SYT6: variants seen among roughly 807,000 people sequenced by gnomAD.
SYT6 encodes synaptotagmin-6.
SYT6 carries 24 observed loss-of-function variants against 38.4 expected under a neutral mutation model. The ratio of observed to expected loss-of-function variants is 0.62; its 90% CI spans 0.45 to 0.88. SYT6 has a LOEUF of 0.88. Among genes scored for constraint, SYT6 ranks in the 40% least tolerant of loss-of-function variants. The pLI is 0.00. For missense variants in SYT6, 611 were observed against 621.0 expected, an observed-to-expected ratio of 0.98 and a Z score of 0.17; for synonymous variants, 265 against 241.9, an observed-to-expected ratio of 1.10 and a Z score of -0.89.
At chr1:114,138,972 A>G (rs111345200) in intron 2 of SYT6, among the ~76,000 whole-genome samples, 1 of 152,204 alleles carries the variant, frequency 6.6e-6, no homozygotes, top group African/African-American at 2.4e-5. Flanking sequence ...GGGACCTAGG[A>G]GTCCATCAGA....
In SYT6 at chr1:114,089,986, G is replaced by A. The variant is rs917034803; in HGVS notation, c.*2148C>T. On this transcript the variant is annotated 3_prime_UTR_variant, in exon 8 of 8. Coordinates refer to ENST00000610222, the MANE Select transcript of SYT6 (RefSeq NM_001253772.2). ...TCCCTTCTCCAAGAGGTTAGAATGG[G>A]TTATACTCACCTGCCTAAGGGTTTA... 2 of 152,342 alleles carry A rather than the reference G, an allele frequency of 1.3e-5. No individual in the cohort carries two copies. The highest frequency in any genetic ancestry group is 2.9e-5 in the Non-Finnish European group (2 of 68,046). The allele number at this position is 152,342 out of a possible 1,614,324, so 9.4% of individuals were successfully genotyped here. A position where few individuals can be genotyped will look rare whatever the true frequency, so the allele number is the denominator to read the frequency against.
At chr1:114,102,877 A>G (rs1676050730) in intron 4 of SYT6, among the ~76,000 whole-genome samples, 1 of 152,220 alleles carries the variant, frequency 6.6e-6, no homozygotes, top group Non-Finnish European at 1.5e-5. Flanking sequence ...TGTTATTTCC[A>G]AACTCAAATA....
intron 3 of SYT6, among the ~76,000 whole-genome samples, chr1:114,118,521 A>T (rs1677143021): frequency 6.6e-6 from 1 of 152,120 alleles, no homozygotes. Flanking sequence ...CACTGTATGA[A>T]CCTGGAGACC....
At chr1:114,138,759 G>A (rs1440269212) in intron 2 of SYT6, among the ~76,000 whole-genome samples, 2 of 152,138 alleles carry the variant, frequency 1.3e-5, no homozygotes, top group African/African-American at 4.8e-5. Context: ...TCTTCCATTG[G>A]CTCCTCACAA....
In SYT6 at chr1:114,142,130, T is replaced by C. The variant is rs537856474; in HGVS notation, c.164-2167A>G. On this transcript the variant is annotated intron_variant, in intron 1 of 7. Coordinates refer to ENST00000610222, the MANE Select transcript of SYT6 (RefSeq NM_001253772.2). ...ATTTCAACTTTCAAATCTTAGGCTT[T>C]AGCTGTCATAGACAGTGATTCCTCT... Among the ~76,000 whole-genome samples the C allele has an allele frequency of 7.4e-4, 113 of 152,362 alleles. 2 individuals carry two copies. The highest frequency in any genetic ancestry group is 2.5e-3 in the African/African-American group (105 of 41,584).
At chr1:114,097,576 C>T in intron 6 of SYT6, 151 bp downstream of exon 6, 1 of 912,374 alleles carries the variant, frequency 1.1e-6, no homozygotes, top group Non-Finnish European at 1.6e-6. Context: ...TCCTCCATTT[C>T]CTTTTGGCCT....
chr1:114,095,810 G>A (rs1225416627), intron 6 of SYT6, among the ~76,000 whole-genome samples: 1 of 152,036 alleles, frequency 6.6e-6, no homozygotes, highest in Admixed American at 6.5e-5. Context: ...ACAGGTGCCC[G>A]CTACCACACC....
At chr1:114,099,286 A>T (rs1268335535) in intron 4 of SYT6, 21 bp from the exon 5 acceptor site, 1 of 1,602,366 alleles carries the variant, frequency 6.2e-7, no homozygotes, top group East Asian at 2.2e-5. Context: ...GGGGACAGAG[A>T]AAAGGGAATG....
Position 114,135,652 on chromosome 1 carries a change from A to C in SYT6, c.1071+1843T>G, listed in dbSNP as rs547327448. 4.6e-5 allele frequency among the ~76,000 whole-genome samples: 7 copies of C among 152,300 alleles called. No homozygotes were observed. In the South Asian group the frequency reaches 1.4e-3, roughly 32 times the overall value. ...GGATATGGAAAGGTGCATCCAGGTG[A>C]GGAGTGTGCTTGGGCACAGACTGCC... On this transcript the variant is annotated intron_variant, in intron 3 of 7. Coordinates refer to ENST00000610222, the MANE Select transcript of SYT6 (RefSeq NM_001253772.2).
At chr1:114,099,014 G>C in intron 5 of SYT6, 80 bp downstream of exon 5, 1 of 1,441,890 alleles carries the variant, frequency 6.9e-7, no homozygotes, top group Non-Finnish European at 9.4e-7. Context: ...GAATCACAAG[G>C]TCTAAGGTCA....
chr1:114,093,261 A>G (rs137936491), intron 7 of SYT6, among the ~76,000 whole-genome samples: 87 of 152,272 alleles, frequency 5.7e-4, no homozygotes, highest in African/African-American at 2.0e-3. Context: ...TAGATGGGAA[A>G]CCCATGAAGT....
chr1:114,132,428 C>T (rs183491033), intron 3 of SYT6, among the ~76,000 whole-genome samples: 64 of 152,242 alleles, frequency 4.2e-4, no homozygotes, highest in East Asian at 2.5e-3. Context: ...TGTGGGGTTT[C>T]GGCCTCTGCT....
intron 5 of SYT6, 129 bp from the exon 6 acceptor site, chr1:114,098,006 C>A: frequency 9.6e-7 from 1 of 1,046,882 alleles, no homozygotes. Flanking sequence ...AAAACAGATG[C>A]TTGGCAGGGC....
rs760272255 is a variant in SYT6 at position 114,139,655 on chromosome 1, G to C, written c.472C>G (p.Arg158Gly). The change falls in exon 2 of 8, where the codon CGG (arginine) becomes GGG (glycine). Residue 158 changes from arginine (R) to glycine (G), a missense_variant. Coordinates refer to ENST00000610222, the MANE Select transcript of SYT6 (RefSeq NM_001253772.2). ...SVKEHIMRHT[R>G]LQRQTTEPAS... The stretch of plus-strand genomic sequence containing the variant: ...GGCTCTGTAGTTTGCCGCTGCAGCC[G>C]GGTGTGACGCATGATGTGCTCCTTG... 4.3e-6 allele frequency: 7 copies of C among 1,614,044 alleles called. No homozygotes were observed. The highest frequency in any genetic ancestry group is 5.9e-6 in the Non-Finnish European group (7 of 1,180,046).
chr1:114,139,997 GA>G, intron 1 of SYT6, 34 bp from the exon 2 acceptor site: 1 of 1,338,404 alleles, frequency 7.5e-7, no homozygotes, highest in East Asian at 2.4e-5. Context: ...GGGAGGGACA[GA>G]CAGACAGAGG....
At chr1:114,131,239 G>A (rs1678130896) in intron 3 of SYT6, among the ~76,000 whole-genome samples, 1 of 152,068 alleles carries the variant, frequency 6.6e-6, no homozygotes, top group African/African-American at 2.4e-5. Flanking sequence ...TAATTACTCT[G>A]CAAGTAGTTA....
At chr1:114,108,933 A>T (rs547289689) in intron 3 of SYT6, among the ~76,000 whole-genome samples, 10 of 152,236 alleles carry the variant, frequency 6.6e-5, no homozygotes, top group Non-Finnish European at 1.2e-4. Context: ...CTTTCAGGAA[A>T]GCCATAGGAG....
chr1:114,127,168 G>A (rs1304727219), intron 3 of SYT6, among the ~76,000 whole-genome samples: 1 of 152,214 alleles, frequency 6.6e-6, no homozygotes, highest in Non-Finnish European at 1.5e-5. Context: ...GCCAAGAACA[G>A]CTACAGGTCC....
intron 3 of SYT6, among the ~76,000 whole-genome samples, chr1:114,124,913 C>T (rs960978003): frequency 9.9e-5 from 15 of 152,208 alleles, no homozygotes; most frequent in Admixed American, 2.0e-4. Flanking sequence ...GGGGATAACA[C>T]CAGTACCTAC....
Sources: gnomAD v4.1 joint callset for allele counts (sites outside exome capture counted in the v4.1 genomes callset) on GRCh38, gnomAD v4.1.1 for gene constraint, MANE v1.5 for transcripts, NCBI Gene and HGNC (gene_info 2026-07-23, HGNC 2026-07-21) for gene names.